The following H2BC18 variants were observed in gnomAD, a reference collection of about 807,000 sequenced individuals.
H2BC18 encodes histone H2B type 2-F.
H2BC18 carries 8 observed loss-of-function variants against 6.3 expected under a neutral mutation model. The ratio of observed to expected loss-of-function variants is 1.28; its 90% CI spans 0.75 to 2.31. The LOEUF is 2.31. Ranked by LOEUF, H2BC18 falls within the 30% of genes most tolerant of loss-of-function variation. H2BC18 has a pLI of 0.00. For synonymous variants in H2BC18, 104 were observed against 78.1 expected (o/e 1.33, Z -1.75); for missense variants, 106 against 174.5 (o/e 0.61, Z 2.21).
chr1:149,790,925 A>G (rs1166461250), intron 1 of H2BC18, among the ~76,000 whole-genome samples: 6 of 151,604 alleles, frequency 4.0e-5, no homozygotes, highest in Admixed American at 1.3e-4. Flanking sequence ...CTTGGGGGGG[A>G]AAAAAGTTCA....
chr1:149,798,521 T>G (rs1243071835), intron 1 of H2BC18, among the ~76,000 whole-genome samples: 1 of 151,606 alleles, frequency 6.6e-6, no homozygotes, highest in African/African-American at 2.4e-5. Context: ...CCTTGTTAAA[T>G]GCAAACAATT....
At chr1:149,804,761 T>C (rs2091902609) in intron 1 of H2BC18, among the ~76,000 whole-genome samples, 1 of 152,204 alleles carries the variant, frequency 6.6e-6, no homozygotes, top group Non-Finnish European at 1.5e-5. Flanking sequence ...TGAGGATCAA[T>C]TTGCTGTAAG....
downstream of H2BC18, chr1:149,811,802 GACCATGGTAA>G (rs1328730310): frequency 1.4e-6 from 1 of 708,722 alleles, no homozygotes; most frequent in African/African-American, 1.8e-5. Flanking sequence ...ATGCATCCGT[GACCATGGTAA>G]CACTCCCTAC....
chr1:149,811,821 A>C (rs1392932648), downstream of H2BC18: 3 of 865,398 alleles, frequency 3.5e-6, no homozygotes, highest in African/African-American at 5.1e-5. Flanking sequence ...AACACTCCCT[A>C]CCTGACCAAA....
At chr1:149,788,236 G>A in intron 1 of H2BC18, 1 of 1,603,334 alleles carries the variant, frequency 6.2e-7, no homozygotes, top group Non-Finnish European at 8.5e-7. Context: ...ACTGGATATA[G>A]GCCTGAGATT....
In H2BC18 at chr1:149,812,369, C is replaced by G. The variant is rs376994281; in HGVS notation, c.-46G>C. ...AAGAGACTTAAAGAAGTAATCCGAA[C>G]TACCGCAAAACGGGCTGGTTATGCG... On this transcript the variant is annotated 5_prime_UTR_variant, in exon 1 of 1. Coordinates refer to ENST00000369167, the MANE Select transcript of H2BC18 (RefSeq NM_001024599.5). The G allele has an allele frequency of 8.1e-6, 13 of 1,613,540 alleles. No homozygotes were observed. Among genetic ancestry groups the G allele is most frequent in the Non-Finnish European group, 1.0e-5 (12 of 1,179,796 alleles).
downstream of H2BC18, chr1:149,811,603 G>A (rs1553754451): frequency 5.6e-6 from 2 of 355,480 alleles, no homozygotes; most frequent in Non-Finnish European, 1.0e-5. Context: ...TAAAGATACA[G>A]GTTAAAGGCC....
At position 149,784,135 on chromosome 1, in the gene H2BC18, C is replaced by A. The variant is rs141593900; in HGVS notation, c.378-875G>T. 6.2e-6 allele frequency: 10 copies of A among 1,611,660 alleles called. No individual in the cohort carries two copies. The African/African-American group carries it at 1.1e-4, about 17-fold the overall frequency. ...ACACAGTGGTTTCTCAATGGCACAG[C>A]CACTCAGACCTCGACCCCCAGCTAC... On this transcript the variant is annotated intron_variant, in intron 1 of 1. Coordinates refer to the H2BC18 transcript ENST00000545683.
Position 149,812,301 on chromosome 1 carries a change from G to A in H2BC18, c.23C>T (p.Ala8Val), listed in dbSNP as rs1553754645. ...TTTGGAGCCCTTCTTGGGAGCAGGA[G>A]CGGATTTCGCTGGATCCGGCATTTT... is the stretch of plus-strand genomic sequence containing the variant. MPDPAKSAPAPKKGSKKA... is the reference protein window; with the variant it reads MPDPAKSVPAPKKGSKKA... The change falls in exon 1 of 1, where the codon GCT becomes GTT. Residue 8 changes from alanine (A) to valine (V), a missense_variant. Coordinates refer to ENST00000369167, the MANE Select transcript of H2BC18 (RefSeq NM_001024599.5). The A allele has an allele frequency of 1.2e-6, 2 of 1,614,218 alleles. No homozygotes were observed. The highest frequency in any genetic ancestry group is 1.1e-5 in the South Asian group (1 of 91,090).
chr1:149,807,517 G>A (rs373024750), downstream of H2BC18, among the ~76,000 whole-genome samples: 15 of 70,648 alleles, frequency 2.1e-4, 2 homozygotes, highest in South Asian at 8.4e-4. Flanking sequence ...ATGGCGGGGG[G>A]GGGGGGGGGC....
chr1:149,789,975 G>A, intron 1 of H2BC18: 1 of 1,612,352 alleles, frequency 6.2e-7, no homozygotes, highest in Non-Finnish European at 8.5e-7. Context: ...GTTTCCCAAG[G>A]GGGTAAAGGG....
chr1:149,786,170 T>C (rs2091544329), intron 1 of H2BC18: 1 of 152,198 alleles, frequency 6.6e-6, no homozygotes, highest in African/African-American at 2.4e-5. Context: ...CTTTTGGATA[T>C]ACAAATGCAA....
At chr1:149,790,813 T>C (rs1186553503) in intron 1 of H2BC18, among the ~76,000 whole-genome samples, 1 of 151,344 alleles carries the variant, frequency 6.6e-6, no homozygotes, top group African/African-American at 2.4e-5. Flanking sequence ...GCTCACAAGG[T>C]GGATTTATCA....
intron 1 of H2BC18, chr1:149,793,091 G>T (rs1361607199): frequency 2.4e-6 from 3 of 1,274,060 alleles, no homozygotes; most frequent in Middle Eastern, 3.2e-4. Context: ...TGCAGCTGCC[G>T]CCAAGCCCCG....
At position 149,812,066 on chromosome 1, in the gene H2BC18, C is replaced by T; in HGVS notation, c.258G>A (p.Lys86=). The T allele has an allele frequency of 6.2e-7, 1 of 1,614,256 alleles. No individual in the cohort carries two copies. Among genetic ancestry groups the T allele is most frequent in the Non-Finnish European group, 8.5e-7 (1 of 1,180,046 alleles). The change falls in exon 1 of 1, where the codon AAG becomes AAA. Residue 86 remains lysine, a synonymous_variant. Transcript: ENST00000369167. ...TCTCGCGGGATGTGATGGTGGAGCG[C>T]TTGTTGTAGTGCGCCAGGCGGGACG... ...GEASRLAHYN[K]RSTITSREIQ...
chr1:149,801,367 T>A (rs1219785434), intron 1 of H2BC18, among the ~76,000 whole-genome samples: 1 of 151,346 alleles, frequency 6.6e-6, no homozygotes, highest in Non-Finnish European at 1.5e-5. Context: ...GGACACAATC[T>A]TGAATCAGTA....
chr1:149,799,809 C>T (rs2457469), intron 1 of H2BC18, among the ~76,000 whole-genome samples: 86 of 152,280 alleles, frequency 5.6e-4, no homozygotes, highest in Middle Eastern at 3.4e-3. Flanking sequence ...ATCATGAGGA[C>T]GGAGAAACTC....
At chr1:149,786,329 T>C (rs1208224318) in intron 1 of H2BC18, 2 of 152,234 alleles carry the variant, frequency 1.3e-5, no homozygotes, top group African/African-American at 4.8e-5. Context: ...ATATTCTGGA[T>C]ATAAGTCCTT....
At chr1:149,804,162 C>G in intron 1 of H2BC18, among the ~76,000 whole-genome samples, 1 of 151,958 alleles carries the variant, frequency 6.6e-6, no homozygotes, top group Non-Finnish European at 1.5e-5. Flanking sequence ...TATGTTAAAT[C>G]CTCAAAATTA....
Sources: gnomAD v4.1 joint callset for allele counts (sites outside exome capture counted in the v4.1 genomes callset) on GRCh38, gnomAD v4.1.1 for gene constraint, MANE v1.5 for transcripts, NCBI Gene and HGNC (gene_info 2026-07-23, HGNC 2026-07-21) for gene names.